The following IQGAP2 variants were observed in gnomAD, a reference collection of about 807,000 sequenced individuals.
The protein encoded by IQGAP2 is ras GTPase-activating-like protein IQGAP2.
In IQGAP2, 173 loss-of-function variants were observed where a neutral mutation model predicts 201.3. The ratio of observed to expected loss-of-function variants is 0.86; its 90% confidence interval spans 0.76 to 0.98. The LOEUF (loss-of-function observed/expected upper bound fraction) is 0.98, where lower values mean the gene tolerates loss of function less well. Among genes scored for constraint, IQGAP2 ranks in the 50% least tolerant of loss-of-function variants. IQGAP2 has a pLI of 0.00. For missense variants in IQGAP2, 1,687 were observed against 1,864.8 expected (o/e 0.90, Z 1.76); for synonymous variants, 675 against 673.9 (o/e 1.00, Z -0.03).
intron 14 of IQGAP2, among the ~76,000 whole-genome samples, chr5:76,631,101 T>G (rs774898750): frequency 6.6e-6 from 1 of 152,202 alleles, no homozygotes; most frequent in Admixed American, 6.5e-5. Flanking sequence ...GTATTTTAAC[T>G]TGGCCTCTTT....
chr5:76,509,059 A>G (rs1017490556), intron 2 of IQGAP2, among the ~76,000 whole-genome samples: 122 of 120,424 alleles, frequency 1.0e-3, no homozygotes, highest in Admixed American at 2.1e-3. Context: ...GTGTGTGTGT[A>G]TGTATGTATG....
rs181488171 is a variant in IQGAP2 at position 76,494,400 on chromosome 5, G to T, written c.146+32731G>T. 2.4e-4 allele frequency among the ~76,000 whole-genome samples: 36 copies of T among 152,232 alleles called. No individual in the cohort carries two copies. The East Asian group carries it at 6.9e-3, about 29-fold the overall frequency. On this transcript the variant is annotated intron_variant, in intron 2 of 35. Coordinates refer to ENST00000274364, the MANE Select transcript of IQGAP2 (RefSeq NM_006633.5). ...AAAAATGTTGTAACCAGAGGATAAG[G>T]TCCACTGGTTCTCTGGCTTGCATGG...
chr5:76,625,943 A>T (rs1750180854), intron 13 of IQGAP2, among the ~76,000 whole-genome samples: 1 of 152,222 alleles, frequency 6.6e-6, no homozygotes, highest in Admixed American at 6.5e-5. Context: ...TTTACTTGCC[A>T]TCTCAGAAAA....
At chr5:76,628,783 C>G (rs1413919788) in intron 14 of IQGAP2, 1 of 449,778 alleles carries the variant, frequency 2.2e-6, no homozygotes, top group Non-Finnish European at 4.4e-6. Flanking sequence ...AACTTTTATT[C>G]CCTAAGGAAC....
intron 1 of IQGAP2, among the ~76,000 whole-genome samples, chr5:76,411,545 C>T (rs1330852703): frequency 2.0e-5 from 3 of 152,072 alleles, no homozygotes; most frequent in South Asian, 2.1e-4. Context: ...GTTCTGCCCT[C>T]CTGAATGGGT....
At chr5:76,554,369 G>C (rs1743767579) in intron 2 of IQGAP2, among the ~76,000 whole-genome samples, 1 of 152,114 alleles carries the variant, frequency 6.6e-6, no homozygotes, top group Non-Finnish European at 1.5e-5. Flanking sequence ...CATTAAGAAA[G>C]TGAAAAGACG....
At chr5:76,532,177 A>G (rs1759338734) in intron 2 of IQGAP2, among the ~76,000 whole-genome samples, 1 of 152,180 alleles carries the variant, frequency 6.6e-6, no homozygotes, top group African/African-American at 2.4e-5. Flanking sequence ...CTGTGTGTTT[A>G]TGTAAATAAA....
chr5:76,453,182 G>A (rs1753875609), intron 1 of IQGAP2, among the ~76,000 whole-genome samples: 1 of 152,032 alleles, frequency 6.6e-6, no homozygotes, highest in African/African-American at 2.4e-5. Flanking sequence ...CCAAAGTGCT[G>A]GGATTAAAGG....
At chr5:76,508,901 A>G (rs1446089666) in intron 2 of IQGAP2, among the ~76,000 whole-genome samples, 1 of 152,128 alleles carries the variant, frequency 6.6e-6, no homozygotes, top group Non-Finnish European at 1.5e-5. Context: ...AAGCATGCAT[A>G]CAGCCCCTAC....
chr5:76,493,664 T>C (rs1756704493), intron 2 of IQGAP2, among the ~76,000 whole-genome samples: 1 of 152,214 alleles, frequency 6.6e-6, no homozygotes, highest in Non-Finnish European at 1.5e-5. Flanking sequence ...TCTTTTTATT[T>C]GGTAGGCTCT....
chr5:76,693,625 G>C (rs1490060407), intron 31 of IQGAP2, among the ~76,000 whole-genome samples, 183 bp downstream of exon 31: 1 of 152,148 alleles, frequency 6.6e-6, no homozygotes, highest in Non-Finnish European at 1.5e-5. Flanking sequence ...GTATCAATGG[G>C]AATGAAATAG....
chr5:76,403,724 A>C lies in IQGAP2; in HGVS notation c.46+133A>C. The C allele has an allele frequency of 3.0e-6, 2 of 676,418 alleles. No individual in the cohort carries two copies. The highest frequency in any genetic ancestry group is 4.5e-6 in the Non-Finnish European group (2 of 447,248). 41.9% of individuals were successfully genotyped at this position (676,418 alleles called of 1,614,324 possible). ...GAAGGCAGCAACTGCGCGGCTGGCA[A>C]AGTTGGGAGCTGGAGTTGCAAAGGG... is the stretch of plus-strand genomic sequence containing the variant. On this transcript the variant is annotated intron_variant, in intron 1 of 35. Coordinates refer to ENST00000274364, the MANE Select transcript of IQGAP2 (RefSeq NM_006633.5). This position sits in a 1 kb window ranked among gnomAD's most constrained non-coding sequence, Gnocchi z 4.8.
intron 4 of IQGAP2, among the ~76,000 whole-genome samples, chr5:76,572,793 A>G (rs1296610258): frequency 6.6e-6 from 1 of 152,166 alleles, no homozygotes; most frequent in Non-Finnish European, 1.5e-5. Flanking sequence ...GGTCAAGAGG[A>G]TAAGCTACTG....
chr5:76,664,494 C>T (rs1163181271), intron 21 of IQGAP2, among the ~76,000 whole-genome samples: 2 of 152,188 alleles, frequency 1.3e-5, no homozygotes, highest in Non-Finnish European at 2.9e-5. Flanking sequence ...ACCAGCCTGG[C>T]CAACATGGTG....
chr5:76,453,376 A>G lies in IQGAP2; in HGVS notation c.47-8194A>G, dbSNP rs1580224087. Among the ~76,000 whole-genome samples, 4 of 152,334 alleles carry G rather than the reference A, an allele frequency of 2.6e-5. No homozygotes were observed. In the South Asian group the frequency reaches 8.3e-4, roughly 32 times the overall value. ...ATTAGAGGAATAAGTTATGTGCTGT[A>G]TAATATACAGAAAAAAAACCCACTT... On this transcript the variant is annotated intron_variant, in intron 1 of 35. Transcript: ENST00000274364.
At chr5:76,577,748 A>G (rs1182316570) in intron 5 of IQGAP2, among the ~76,000 whole-genome samples, 1 of 152,184 alleles carries the variant, frequency 6.6e-6, no homozygotes, top group African/African-American at 2.4e-5. Context: ...TCCTCTAATA[A>G]ATACAGTGGG....
chr5:76,623,031 A>G (rs1749860544), intron 13 of IQGAP2: 2 of 777,706 alleles, frequency 2.6e-6, no homozygotes, highest in Non-Finnish European at 4.4e-6. Flanking sequence ...CCATGATTCT[A>G]CCTTTTAATA....
At chr5:76,480,852 T>C (rs1290233791) in intron 2 of IQGAP2, among the ~76,000 whole-genome samples, 1 of 152,192 alleles carries the variant, frequency 6.6e-6, no homozygotes, top group African/African-American at 2.4e-5. Context: ...ACTGAGTAAC[T>C]TATAAAGAAC....
chr5:76,584,348 C>T (rs907092832), intron 5 of IQGAP2, among the ~76,000 whole-genome samples: 8 of 152,048 alleles, frequency 5.3e-5, no homozygotes, highest in South Asian at 2.1e-4. Flanking sequence ...AATACATTTG[C>T]GATAAAAATG....
Sources: allele counts gnomAD v4.1 joint callset (sites outside exome capture counted in the v4.1 genomes callset), GRCh38; gene constraint gnomAD v4.1.1; non-coding constraint Gnocchi (gnomAD v3.1); transcripts MANE v1.5; gene names NCBI Gene and HGNC (gene_info 2026-07-23, HGNC 2026-07-21).